The following CD109 variants were observed in gnomAD, a reference collection of about 807,000 sequenced individuals.
The protein encoded by CD109 is CD109 molecule.
CD109 carries 149 observed loss-of-function variants against 165.8 expected under a neutral mutation model. The observed-to-expected ratio is 0.90, with a 90% CI of 0.79 to 1.03. The LOEUF (loss-of-function observed/expected upper bound fraction) is 1.03. Ranked by LOEUF, CD109 falls within the 50% of genes least tolerant of loss-of-function variation. The pLI, the probability that CD109 is intolerant of heterozygous loss-of-function variation, is 0.00. For missense variants in CD109, 1,712 were observed against 1,677.8 expected (o/e 1.02, Z -0.36); for synonymous variants, 585 against 592.1 (o/e 0.99, Z 0.18).
chr6:73,719,966 A>G (rs1286126642), intron 2 of CD109, among the ~76,000 whole-genome samples: 6 of 152,202 alleles, frequency 3.9e-5, no homozygotes, highest in Non-Finnish European at 8.8e-5. Context: ...TCTTCCTACA[A>G]GGTAAGATAC....
chr6:73,721,943 C>G (rs1230890630), intron 2 of CD109, among the ~76,000 whole-genome samples: 2 of 151,996 alleles, frequency 1.3e-5, no homozygotes, highest in Non-Finnish European at 2.9e-5. Context: ...GCCATGTTGG[C>G]CAGGCTGGTC....
chr6:73,707,071 G>C (rs1771299170), intron 2 of CD109, among the ~76,000 whole-genome samples: 2 of 152,248 alleles, frequency 1.3e-5, no homozygotes, highest in Non-Finnish European at 2.9e-5. Flanking sequence ...CAGGGAAGCA[G>C]AGTAGGCTTC....
intron 23 of CD109, 72 bp downstream of exon 23, chr6:73,792,874 C>T (rs1775025774): frequency 8.7e-7 from 1 of 1,151,474 alleles, no homozygotes; most frequent in Admixed American, 2.4e-5. Context: ...TCATTCTAGA[C>T]CATATTTCAA....
chr6:73,696,868 C>T lies in CD109; in HGVS notation c.75-532C>T, dbSNP rs117822187. On this transcript the variant is annotated intron_variant, in intron 1 of 32. Coordinates refer to ENST00000287097, the MANE Select transcript of CD109 (RefSeq NM_133493.5). ...TGATTCGCTATACCTGGAATTTTCA[C>T]CAGTTGTAGTTTATTTTCAAATGGT... Among the ~76,000 whole-genome samples the T allele has an allele frequency of 6.0e-3, 919 of 152,252 alleles. 7 individuals are homozygous for T. The highest frequency in any genetic ancestry group is 0.015 in the African/African-American group (626 of 41,534).
At chr6:73,695,395 CCTAA>C (rs1256729668), upstream of CD109, 1 of 152,208 alleles carries the variant, frequency 6.6e-6, no homozygotes, top group African/African-American at 2.4e-5. Flanking sequence ...CCAACCCAAC[CCTAA>C]CTGTGTTCAG....
intron 17 of CD109, among the ~76,000 whole-genome samples, chr6:73,781,658 CAACATATTTTT>C (rs1774504300): frequency 7.4e-6 from 1 of 135,088 alleles, no homozygotes; most frequent in South Asian, 2.3e-4. Flanking sequence ...TTAAAAGGAG[CAACATATTTTT>C]GAAATATTTT....
At chr6:73,791,566 G>C (rs751670493) in intron 22 of CD109, among the ~76,000 whole-genome samples, 262 of 152,022 alleles carry the variant, frequency 1.7e-3, no homozygotes, top group Non-Finnish European at 2.1e-3. Context: ...TGTCGTCATG[G>C]AAATACCCCG....
chr6:73,748,128 A>T (rs928405852), intron 5 of CD109, among the ~76,000 whole-genome samples: 2 of 152,012 alleles, frequency 1.3e-5, no homozygotes, highest in Non-Finnish European at 2.9e-5. Flanking sequence ...CCTCAACCTT[A>T]AATATATTTC....
chr6:73,727,269 A>G (rs1772175603), intron 3 of CD109, among the ~76,000 whole-genome samples: 1 of 152,124 alleles, frequency 6.6e-6, no homozygotes, highest in South Asian at 2.1e-4. Flanking sequence ...CTGGAGCACC[A>G]CCCAGAGTAC....
chr6:73,737,863 C>T lies in CD109; in HGVS notation c.633+1355C>T, dbSNP rs546913501. ...TGATGGCGGTGTAGATTAGGAAGCACGTTGTGAGTTTAAAGTAGTTTGAAT... is the reference window on the plus strand; with the variant it reads ...TGATGGCGGTGTAGATTAGGAAGCATGTTGTGAGTTTAAAGTAGTTTGAAT... On this transcript the variant is annotated intron_variant, in intron 5 of 32. Transcript: ENST00000287097. Among the ~76,000 whole-genome samples, 7 of 152,246 alleles carry T rather than the reference C, an allele frequency of 4.6e-5. No individual in the cohort carries two copies. The South Asian group carries it at 6.2e-4, about 14-fold the overall frequency.
intron 17 of CD109, among the ~76,000 whole-genome samples, 179 bp downstream of exon 17, chr6:73,781,498 A>G (rs1774497850): frequency 6.6e-6 from 1 of 152,152 alleles, no homozygotes; most frequent in South Asian, 2.1e-4. Context: ...CATGACATGG[A>G]ACGTTCATCT....
At chr6:73,749,977 G>A (rs1437791855) in intron 5 of CD109, among the ~76,000 whole-genome samples, 1 of 152,188 alleles carries the variant, frequency 6.6e-6, no homozygotes, top group South Asian at 2.1e-4. Flanking sequence ...CAGGGGGTTA[G>A]TATTATTGTT....
intron 15 of CD109, among the ~76,000 whole-genome samples, chr6:73,778,703 G>A (rs923572176): frequency 6.6e-6 from 1 of 151,912 alleles, no homozygotes; most frequent in African/African-American, 2.4e-5. Flanking sequence ...GCCTGTTCTA[G>A]TTGCTTACTG....
At chr6:73,724,060 C>T (rs984510412) in intron 3 of CD109, among the ~76,000 whole-genome samples, 8 of 152,112 alleles carry the variant, frequency 5.3e-5, no homozygotes, top group African/African-American at 1.9e-4. Flanking sequence ...GTAATATTGA[C>T]CCTGTCTTTG....
chr6:73,723,928 T>C (rs558653667), intron 3 of CD109, among the ~76,000 whole-genome samples: 1 of 152,282 alleles, frequency 6.6e-6, no homozygotes, highest in South Asian at 2.1e-4. Flanking sequence ...CTGGGCTGGT[T>C]TGCTCCTGCT....
At chr6:73,792,589 GTATT>G (rs1362065210) in intron 22 of CD109, 33 bp from the exon 23 acceptor site, 1 of 1,599,818 alleles carries the variant, frequency 6.3e-7, no homozygotes, top group Non-Finnish European at 8.5e-7. Context: ...TTGTTACTGA[GTATT>G]TACTGAATGA....
intron 2 of CD109, among the ~76,000 whole-genome samples, chr6:73,719,114 T>C (rs1029566774): frequency 7.9e-5 from 12 of 152,232 alleles, no homozygotes; most frequent in Non-Finnish European, 1.6e-4. Context: ...TTTTACATTT[T>C]TTTGGTTGTA....
At position 73,730,442 on chromosome 6, in the gene CD109, G is replaced by C; in HGVS notation, c.375G>C (p.Glu125Asp). The change falls in exon 4 of 33, where the codon GAG (glutamate) becomes GAC (aspartate). Residue 125 changes from glutamate to aspartate, a missense_variant. Coordinates refer to ENST00000287097, the MANE Select transcript of CD109 (RefSeq NM_133493.5). ...CTAATAGTACCCGCTTATCATTTGA[G>C]ACCAAGAGAATATCTGTCTTCATTC... ...LFSNSTRLSF[E>D]TKRISVFIQT... The C allele has an allele frequency of 6.2e-7, 1 of 1,613,662 alleles. No individual in the cohort carries two copies.
chr6:73,707,693 A>G (rs1294370020), intron 2 of CD109, among the ~76,000 whole-genome samples: 1 of 152,078 alleles, frequency 6.6e-6, no homozygotes, highest in Non-Finnish European at 1.5e-5. Context: ...GGCTCATACA[A>G]ATTGAGATGT....
Sources: allele counts gnomAD v4.1 joint callset (sites outside exome capture counted in the v4.1 genomes callset), GRCh38; gene constraint gnomAD v4.1.1; transcripts MANE v1.5; gene names NCBI Gene and HGNC (gene_info 2026-07-23, HGNC 2026-07-21).